The following SLC35F1 variants were observed in gnomAD, a reference collection of about 807,000 sequenced individuals.
The protein encoded by SLC35F1 is solute carrier family 35 member F1, also known as chromosome 6 open reading frame 169.
In SLC35F1, 14 loss-of-function variants were observed where a neutral mutation model predicts 48.7. The observed-to-expected ratio is 0.29, with a 90% CI of 0.19 to 0.45. SLC35F1 has a LOEUF of 0.45. Among genes scored for constraint, SLC35F1 ranks in the 20% least tolerant of loss-of-function variants. SLC35F1 has a pLI of 1.00. For missense variants in SLC35F1, 404 were observed against 500.0 expected (o/e 0.81, Z 1.83); for synonymous variants, 190 against 202.2 (o/e 0.94, Z 0.51).
chr6:118,173,696 A>G (rs1164382920), intron 2 of SLC35F1, among the ~76,000 whole-genome samples: 1 of 152,156 alleles, frequency 6.6e-6, no homozygotes, highest in Non-Finnish European at 1.5e-5. Context: ...GATACACCAG[A>G]CTTTCAGCTG....
chr6:118,279,734 AC>A (rs1208446746), intron 6 of SLC35F1, among the ~76,000 whole-genome samples: 2 of 152,176 alleles, frequency 1.3e-5, no homozygotes, highest in African/African-American at 4.8e-5. Flanking sequence ...TTGAGAAGTC[AC>A]CCGAGAGGCC....
chr6:118,309,700 T>G (rs1017552135), intron 7 of SLC35F1, among the ~76,000 whole-genome samples: 3 of 152,246 alleles, frequency 2.0e-5, no homozygotes, highest in Non-Finnish European at 4.4e-5. Context: ...GTCATTAGTT[T>G]GTTAAAATTC....
rs909736345 is a variant in SLC35F1 at position 118,042,126 on chromosome 6, T to G, written c.174-112319T>G. Among the ~76,000 whole-genome samples, 3 of 152,116 alleles carry G rather than the reference T, an allele frequency of 2.0e-5. 1 individual carries two copies. Among genetic ancestry groups the G allele is most frequent in the Admixed American group, 2.0e-4 (3 of 15,252 alleles). ...GATTGCTCTTACATGATATATATAT[T>G]TTTCCTTTTCTATGTAGCCATCCAT... is the stretch of plus-strand genomic sequence containing the variant. On this transcript the variant is annotated intron_variant, in intron 1 of 7. Transcript: ENST00000360388.
At chr6:118,089,175 C>A (rs1289005454) in intron 1 of SLC35F1, among the ~76,000 whole-genome samples, 1 of 152,118 alleles carries the variant, frequency 6.6e-6, no homozygotes, top group South Asian at 2.1e-4. Context: ...CTGGCATGAG[C>A]GTTTGATAAC....
intron 1 of SLC35F1, among the ~76,000 whole-genome samples, chr6:117,934,965 G>T (rs933463944): frequency 1.3e-5 from 2 of 152,252 alleles, no homozygotes; most frequent in South Asian, 4.1e-4. Context: ...AAATTAGCTG[G>T]ACATCGTGGT....
intron 1 of SLC35F1, among the ~76,000 whole-genome samples, chr6:118,003,733 A>G (rs73521510): frequency 2.0e-5 from 3 of 152,218 alleles, no homozygotes; most frequent in Admixed American, 6.5e-5. Context: ...CTAATTTTAT[A>G]TTAATGATTT....
rs141839854 is a variant in SLC35F1, at chr6:118,104,096, C to CCCCTT, written c.174-50326_174-50322dup. Among the ~76,000 whole-genome samples, 1,137 of 150,900 alleles carry CCCCTT rather than the reference C, an allele frequency of 7.5e-3. 6 individuals are homozygous for CCCCTT. Among genetic ancestry groups the CCCCTT allele is most frequent in the South Asian group, 0.014 (67 of 4,750 alleles). On this transcript the variant is annotated intron_variant, in intron 1 of 7. Transcript: ENST00000360388. The stretch of plus-strand genomic sequence containing the variant: ...TTTCTTCTTCCTTCATTTCTTCCCT[C>CCCCTT]CCCTTCCCTTCCCTTCCCTTCCCTT...
At chr6:118,113,282 T>G (rs1773434517) in intron 1 of SLC35F1, among the ~76,000 whole-genome samples, 1 of 152,132 alleles carries the variant, frequency 6.6e-6, no homozygotes, top group African/African-American at 2.4e-5. Flanking sequence ...AGATAAGGTC[T>G]TGCTATGTTG....
chr6:118,159,220 CAAAAAAAAAAAAA>C (rs60060945), intron 2 of SLC35F1, among the ~76,000 whole-genome samples: 3 of 43,844 alleles, frequency 6.8e-5, no homozygotes, highest in African/African-American at 1.2e-4. Flanking sequence ...GACTCTGTCT[CAAAAAAAAAAAAA>C]AAAAAAAAAA....
chr6:118,034,008 G>C (rs898389606), intron 1 of SLC35F1, among the ~76,000 whole-genome samples: 1 of 152,148 alleles, frequency 6.6e-6, no homozygotes, highest in Non-Finnish European at 1.5e-5. Flanking sequence ...GAGGGAAGAG[G>C]TCAGAATGGC....
chr6:118,032,473 C>A (rs905581257), intron 1 of SLC35F1, among the ~76,000 whole-genome samples: 1 of 152,190 alleles, frequency 6.6e-6, no homozygotes, highest in Non-Finnish European at 1.5e-5. Context: ...AAGTGGAATG[C>A]ATAGAGATGC....
At chr6:118,106,551 G>T (rs951201015) in intron 1 of SLC35F1, among the ~76,000 whole-genome samples, 1 of 152,106 alleles carries the variant, frequency 6.6e-6, no homozygotes, top group Non-Finnish European at 1.5e-5. Context: ...GCTCTCTCAC[G>T]TGTACTACAA....
At chr6:118,312,695 G>A (rs540073292) in intron 7 of SLC35F1, among the ~76,000 whole-genome samples, 72 of 152,244 alleles carry the variant, frequency 4.7e-4, no homozygotes, top group Admixed American at 3.6e-3. Flanking sequence ...TAGCAGGGAC[G>A]TTTAGCCGCA....
chr6:117,944,328 AG>A (rs1355729954), intron 1 of SLC35F1, among the ~76,000 whole-genome samples: 1 of 152,148 alleles, frequency 6.6e-6, no homozygotes, highest in Non-Finnish European at 1.5e-5. Context: ...TGTGTAGGGA[AG>A]GGAAGAATCA....
chr6:118,017,937 A>G (rs1463248410), intron 1 of SLC35F1, among the ~76,000 whole-genome samples: 1 of 152,232 alleles, frequency 6.6e-6, no homozygotes, highest in Non-Finnish European at 1.5e-5. Flanking sequence ...ATGGTGCCTC[A>G]TAAGTGATCA....
chr6:118,208,135 A>G (rs1774960853), intron 2 of SLC35F1, among the ~76,000 whole-genome samples: 1 of 152,012 alleles, frequency 6.6e-6, no homozygotes, highest in Admixed American at 6.5e-5. Flanking sequence ...ACACACACAC[A>G]CACACACACC....
chr6:117,957,821 C>A (rs1225695578), intron 1 of SLC35F1, among the ~76,000 whole-genome samples: 1 of 152,178 alleles, frequency 6.6e-6, no homozygotes, highest in Non-Finnish European at 1.5e-5. Flanking sequence ...ATTATGTACA[C>A]TACGTAATAC....
At chr6:118,183,276 A>G (rs938698263) in intron 2 of SLC35F1, among the ~76,000 whole-genome samples, 58 of 152,172 alleles carry the variant, frequency 3.8e-4, no homozygotes, top group African/African-American at 1.4e-3. Flanking sequence ...CCCTGAAAAT[A>G]AGGTTAGAGG....
At chr6:117,913,698 CAGTT>C (rs373728759) in intron 1 of SLC35F1, among the ~76,000 whole-genome samples, 48 of 152,226 alleles carry the variant, frequency 3.2e-4, no homozygotes, top group African/African-American at 7.5e-4. Context: ...AGTGGCAACT[CAGTT>C]AGTTAGTGGC....
Sources: gnomAD v4.1 joint callset for allele counts (sites outside exome capture counted in the v4.1 genomes callset) on GRCh38, gnomAD v4.1.1 for gene constraint, MANE v1.5 for transcripts, NCBI Gene and HGNC (gene_info 2026-07-23, HGNC 2026-07-21) for gene names.